The following SLC6A11 variants were observed in gnomAD, a reference collection of about 807,000 sequenced individuals.
The protein encoded by SLC6A11 is solute carrier family 6 member 11, also known as sodium- and chloride-dependent GABA transporter 3.
In SLC6A11, 25 loss-of-function variants were observed where a neutral mutation model predicts 74.8. The ratio of observed to expected loss-of-function variants is 0.33; its 90% confidence interval spans 0.24 to 0.47. The LOEUF (loss-of-function observed/expected upper bound fraction) is 0.47. Among genes scored for constraint, SLC6A11 ranks in the 20% least tolerant of loss-of-function variants. The probability of loss-of-function intolerance (pLI) is 1.00; values close to 1 mark genes in which losing one functional copy is unlikely to be tolerated. For missense variants in SLC6A11, 574 were observed against 837.0 expected, an observed-to-expected ratio of 0.69 and a Z score of 3.88; for synonymous variants, 330 against 330.2, an observed-to-expected ratio of 1.00 and a Z score of 0.01.
chr3:10,822,636 A>T (rs1226057470), intron 3 of SLC6A11, among the ~76,000 whole-genome samples: 1 of 152,164 alleles, frequency 6.6e-6, no homozygotes, highest in African/African-American at 2.4e-5. Flanking sequence ...GTTAAGGCCC[A>T]GGGGCACTGG....
At chr3:10,910,013 T>G (rs987592844) in intron 6 of SLC6A11, among the ~76,000 whole-genome samples, 5 of 152,178 alleles carry the variant, frequency 3.3e-5, no homozygotes, top group Non-Finnish European at 5.9e-5. Context: ...TTTGTTCTTG[T>G]CTTTCCTCTT....
intron 1 of SLC6A11, among the ~76,000 whole-genome samples, chr3:10,818,642 A>G (rs1380352271): frequency 6.6e-6 from 1 of 152,200 alleles, no homozygotes; most frequent in Non-Finnish European, 1.5e-5. Flanking sequence ...TAAAGCCGTC[A>G]TTTGTGAGAT....
intron 8 of SLC6A11, 90 bp from the exon 9 acceptor site, chr3:10,925,914 A>T (rs1418786705): frequency 2.0e-5 from 15 of 736,616 alleles, no homozygotes; most frequent in Non-Finnish European, 1.4e-5. Flanking sequence ...CCTGGCGCAG[A>T]GGAGGCACTC....
chr3:10,917,143 A>G (rs1469521576), intron 7 of SLC6A11, among the ~76,000 whole-genome samples: 2 of 152,198 alleles, frequency 1.3e-5, no homozygotes, highest in Non-Finnish European at 2.9e-5. Context: ...TGTAACACAG[A>G]ACAAAAAACT....
chr3:10,855,876 C>CT, intron 5 of SLC6A11, among the ~76,000 whole-genome samples: 1 of 152,332 alleles, frequency 6.6e-6, no homozygotes, highest in East Asian at 1.9e-4. Context: ...TCCCTTTTCC[C>CT]TCTTTCCTCT....
intron 6 of SLC6A11, among the ~76,000 whole-genome samples, chr3:10,889,415 A>C (rs1034912650): frequency 2.6e-5 from 4 of 152,148 alleles, no homozygotes; most frequent in Admixed American, 6.5e-5. Flanking sequence ...TATCACACAG[A>C]GTAGTTTTCC....
At chr3:10,846,816 A>G (rs1011941103) in intron 5 of SLC6A11, among the ~76,000 whole-genome samples, 1 of 152,086 alleles carries the variant, frequency 6.6e-6, no homozygotes, top group African/African-American at 2.4e-5. Flanking sequence ...GGGCTAAGGG[A>G]GGGCGGGCAG....
intron 5 of SLC6A11, among the ~76,000 whole-genome samples, chr3:10,847,778 A>T (rs1338027339): frequency 6.6e-6 from 1 of 152,126 alleles, no homozygotes; most frequent in Non-Finnish European, 1.5e-5. Context: ...CCTGGTTATG[A>T]CTTGCTTCAC....
At chr3:10,883,479 C>G (rs1695006716) in intron 6 of SLC6A11, among the ~76,000 whole-genome samples, 1 of 152,178 alleles carries the variant, frequency 6.6e-6, no homozygotes, top group South Asian at 2.1e-4. Context: ...ACTGGTGCAC[C>G]AGTTCCCCAG....
At chr3:10,850,586 G>A (rs1438324377) in intron 5 of SLC6A11, among the ~76,000 whole-genome samples, 2 of 152,220 alleles carry the variant, frequency 1.3e-5, no homozygotes, top group African/African-American at 2.4e-5. Context: ...GTGATGGGAA[G>A]GATGGGATGG....
Position 10,816,482 on chromosome 3 carries a change from G to A in SLC6A11, c.217G>A (p.Val73Met). The A allele has an allele frequency of 1.9e-6, 3 of 1,605,082 alleles. No homozygotes were observed. Among genetic ancestry groups the A allele is most frequent in the East Asian group, 2.3e-5 (1 of 43,884 alleles). The change falls in exon 1 of 14, where the codon GTG becomes ATG. Residue 73 changes from valine (V) to methionine (M), a missense_variant. Physicochemically the swap from Val to Met is conservative, Grantham distance 21 (BLOSUM62 1). Around this residue, in one of 4 missense-constraint regions of SLC6A11, gnomAD observed 215 missense variants for 357.9 expected, o/e 0.60. Coordinates refer to ENST00000254488, the MANE Select transcript of SLC6A11 (RefSeq NM_014229.3). The surrounding 1 kb of genome is among the most constrained non-coding windows in gnomAD (Gnocchi z 4.2). ...CGGGGAGATCATTGGGCTGGGCAAC[G>A]TGTGGCGCTTCCCCTACCTGTGCTA... ...VAGEIIGLGNVWRFPYLCYKN... is the reference protein window; with the variant it reads ...VAGEIIGLGNMWRFPYLCYKN...
chr3:10,868,085 G>T (rs1694786537), intron 5 of SLC6A11, among the ~76,000 whole-genome samples: 1 of 152,010 alleles, frequency 6.6e-6, no homozygotes, highest in South Asian at 2.1e-4. Context: ...AAAAATACTG[G>T]GAAGATGCTA....
At chr3:10,862,541 C>T (rs779017358) in intron 5 of SLC6A11, among the ~76,000 whole-genome samples, 1 of 152,188 alleles carries the variant, frequency 6.6e-6, no homozygotes, top group Admixed American at 6.5e-5. Context: ...ATCTTGTCAC[C>T]GTTGCACACA....
intron 10 of SLC6A11, among the ~76,000 whole-genome samples, chr3:10,929,582 A>T (rs113292960): frequency 1.3e-5 from 2 of 152,110 alleles, no homozygotes; most frequent in South Asian, 4.2e-4. Context: ...GGGGAGTCAC[A>T]CTCACCAGGG....
intron 8 of SLC6A11, among the ~76,000 whole-genome samples, chr3:10,924,630 G>A (rs769854081): frequency 4.6e-5 from 7 of 151,238 alleles, no homozygotes; most frequent in Non-Finnish European, 1.0e-4. Context: ...TATAAAGAAC[G>A]CTCACAATCA....
intron 5 of SLC6A11, among the ~76,000 whole-genome samples, chr3:10,866,878 T>G (rs1694769220): frequency 6.6e-6 from 1 of 152,260 alleles, no homozygotes; most frequent in African/African-American, 2.4e-5. Flanking sequence ...TCTTTAGATA[T>G]GCATTCTCTT....
chr3:10,897,137 C>A (rs963967257), intron 6 of SLC6A11, among the ~76,000 whole-genome samples: 5 of 152,266 alleles, frequency 3.3e-5, no homozygotes, highest in Non-Finnish European at 2.9e-5. Flanking sequence ...CCCCATGATT[C>A]AATTACCTCC....
chr3:10,933,737 C>T (rs1356053966), intron 11 of SLC6A11, among the ~76,000 whole-genome samples: 1 of 152,150 alleles, frequency 6.6e-6, no homozygotes, highest in Admixed American at 6.5e-5. Flanking sequence ...GCAGCCCTGC[C>T]AGGCCCCTGC....
chr3:10,879,733 T>C (rs1694951994), intron 6 of SLC6A11, among the ~76,000 whole-genome samples: 1 of 152,230 alleles, frequency 6.6e-6, no homozygotes, highest in African/African-American at 2.4e-5. Flanking sequence ...TGAGACTATA[T>C]ATATGATATG....
Sources: gnomAD v4.1 joint callset for allele counts (sites outside exome capture counted in the v4.1 genomes callset) on GRCh38, gnomAD v4.1.1 for gene constraint, gnomAD v4.1.1 regional missense constraint, Gnocchi (gnomAD v3.1) non-coding constraint, MANE v1.5 for transcripts, NCBI Gene and HGNC (gene_info 2026-07-23, HGNC 2026-07-21) for gene names.